The following STX1B variants were observed in gnomAD, a reference collection of about 807,000 sequenced individuals.
The protein encoded by STX1B is syntaxin-1B.
Under a neutral mutation model 39.4 loss-of-function variants are expected in STX1B, and 7 were observed. That is an observed-to-expected ratio of 0.18 (90% CI 0.10 to 0.33). STX1B has a LOEUF of 0.33. Among genes scored for constraint, STX1B ranks in the 10% least tolerant of loss-of-function variants. STX1B has a pLI of 1.00. For synonymous variants in STX1B, 136 were observed against 144.1 expected, an observed-to-expected ratio of 0.94 and a Z score of 0.40; for missense variants, 198 against 383.2, an observed-to-expected ratio of 0.52 and a Z score of 4.04.
At chr16:31,004,449 G>A (rs2143683573) in intron 1 of STX1B, among the ~76,000 whole-genome samples, 1 of 152,244 alleles carries the variant, frequency 6.6e-6, no homozygotes, top group East Asian at 1.9e-4. Flanking sequence ...TCTGGTGGGA[G>A]GATCACTTGA....
chr16:30,997,726 G>A, intron 4 of STX1B, 151 bp from the exon 5 acceptor site: 2 of 702,358 alleles, frequency 2.8e-6, no homozygotes, highest in Non-Finnish European at 4.8e-6. Flanking sequence ...GTGCCCCAGG[G>A]TGGTGTTAGG....
intron 7 of STX1B, 178 bp downstream of exon 7, chr16:30,996,505 A>T: frequency 1.6e-6 from 1 of 613,112 alleles, no homozygotes; most frequent in Non-Finnish European, 2.9e-6. Flanking sequence ...CACACGAACG[A>T]CTCCGTCATC....
In STX1B at chr16:31,010,353, AC is replaced by A; in HGVS notation, c.30+13del. 2 of 372,618 alleles carry A rather than the reference AC, an allele frequency of 5.4e-6. No homozygotes were observed. The highest frequency in any genetic ancestry group is 8.6e-6 in the Non-Finnish European group (2 of 233,064). The allele number at this position is 372,618 out of a possible 1,614,324, so 23.1% of individuals were successfully genotyped here. On this transcript the variant is annotated intron_variant, in intron 1 of 9. Coordinates refer to ENST00000215095, the MANE Select transcript of STX1B (RefSeq NM_052874.5). ...GGGGTCCCGCCCCCCCATTCTCCCC[AC>A]CCCCAAGCTCACACTCCGCAGCTCT...
intron 1 of STX1B, among the ~76,000 whole-genome samples, chr16:31,003,034 A>G (rs1163146524): frequency 6.6e-6 from 1 of 152,114 alleles, no homozygotes. Context: ...ACAGGGCCAG[A>G]TGGGACCTAG....
Position 31,001,650 on chromosome 16 carries a change from C to T in STX1B, c.31-47G>A. ...TCCATGAGCAGGCCCTACCTGGGTC[C>T]CCAAGGCTGGCTCTCCAGCTCTCCC... On this transcript the variant is annotated intron_variant, in intron 1 of 9. Transcript: ENST00000215095. The surrounding 1 kb of genome is among the most constrained non-coding windows in gnomAD (Gnocchi z 5.5). The T allele has an allele frequency of 6.5e-7, 1 of 1,529,830 alleles. No homozygotes were observed. Among genetic ancestry groups the T allele is most frequent in the Non-Finnish European group, 9.0e-7 (1 of 1,113,602 alleles). 94.8% of individuals were successfully genotyped at this position (1,529,830 alleles called of 1,614,324 possible). A position where few individuals can be genotyped will look rare whatever the true frequency, so the allele number is the denominator to read the frequency against.
rs763031966 is a variant in STX1B, at chr16:31,001,580, C to A, written c.54G>T (p.Glu18Asp). ...GGTCCCGATCCACGTGGACCACCTC[C>A]TCTTCATCATCACTGTCTTTCGCCT... is the stretch of plus-strand genomic sequence containing the variant. ...LRSAKDSDDE[E>D]EVVHVDRDHF... The change falls in exon 2 of 10, where the codon GAG becomes GAT. Residue 18 changes from glutamate to aspartate, a missense_variant. Glu to Asp is a conservative substitution (Grantham distance 45, BLOSUM62 2). Transcript: ENST00000215095. This position sits in a 1 kb window ranked among gnomAD's most constrained non-coding sequence, Gnocchi z 5.5. 6 of 1,613,426 alleles carry A rather than the reference C, an allele frequency of 3.7e-6. No individual in the cohort carries two copies. Among genetic ancestry groups the A allele is most frequent in the Middle Eastern group, 3.3e-4 (2 of 6,012 alleles).
At chr16:30,994,067 C>A (rs989419985) in intron 7 of STX1B, among the ~76,000 whole-genome samples, 2 of 150,864 alleles carry the variant, frequency 1.3e-5, no homozygotes, top group African/African-American at 2.4e-5. Context: ...CTGAAGCGGG[C>A]AGATCACGAG....
chr16:30,998,444 T>C (rs921341414), intron 4 of STX1B, among the ~76,000 whole-genome samples: 1 of 152,206 alleles, frequency 6.6e-6, no homozygotes, highest in Non-Finnish European at 1.5e-5. Flanking sequence ...CAGCAACACA[T>C]GGCCCAGGGA....
rs2056676728 is a variant in STX1B at position 31,010,594 on chromosome 16, T to A, written c.-198A>T. ...GGCAGGGGCCTGGGCCGGGCTCGGC[T>A]CTGCCGGGCTGCGGTGGCGATGCGG... On this transcript the variant is annotated 5_prime_UTR_variant, in exon 1 of 10. Transcript: ENST00000215095. 1 of 158,026 alleles carries A rather than the reference T, an allele frequency of 6.3e-6. No homozygotes were observed. Among genetic ancestry groups the A allele is most frequent in the African/African-American group, 2.5e-5 (1 of 40,062 alleles). The allele number at this position is 158,026 out of a possible 1,614,324, so 9.8% of individuals were successfully genotyped here. A position where few individuals can be genotyped will look rare whatever the true frequency, so the allele number is the denominator to read the frequency against.
At chr16:31,010,300 CT>C in intron 1 of STX1B, 66 bp downstream of exon 1, 1 of 1,008,722 alleles carries the variant, frequency 9.9e-7, no homozygotes, top group Non-Finnish European at 1.4e-6. Flanking sequence ...ACCTCCCCCA[CT>C]CCATCCCCAC....
At chr16:31,005,034 G>C (rs1051341775) in intron 1 of STX1B, among the ~76,000 whole-genome samples, 1 of 152,184 alleles carries the variant, frequency 6.6e-6, no homozygotes, top group Admixed American at 6.5e-5. Flanking sequence ...GAGGGGCCCA[G>C]GGCTGCAGGA....
At position 31,001,370 on chromosome 16, in the gene STX1B, G is replaced by T. The variant is rs546828801; in HGVS notation, c.105+159C>A. Among the ~76,000 whole-genome samples, 1 of 152,046 alleles carries T rather than the reference G, an allele frequency of 6.6e-6. No individual in the cohort carries two copies. The highest frequency in any genetic ancestry group is 6.5e-5 in the Admixed American group (1 of 15,272). ...AAAAGGAAGTTGTCGGTGGCTAGGG[G>T]CTGGGTGCCGGGGCTGCGGCTGGGC... On this transcript the variant is annotated intron_variant, in intron 2 of 9. Coordinates refer to ENST00000215095, the MANE Select transcript of STX1B (RefSeq NM_052874.5). The surrounding 1 kb of genome is among the most constrained non-coding windows in gnomAD (Gnocchi z 5.5).
rs1482908756 is a variant in STX1B, at chr16:31,000,948, T to A, written c.260A>T (p.Lys87Met). 1.2e-6 allele frequency: 2 copies of A among 1,614,150 alleles called. No homozygotes were observed. The highest frequency in any genetic ancestry group is 1.7e-6 in the Non-Finnish European group (2 of 1,180,028). ...CTCACCTTTCAATTTGGACCGAACC[T>A]TGTTGGCCGTCTTCTTGATGTCTGC... The part of the protein sequence containing the change: ...LTADIKKTAN[K>M]VRSKLKAIEQ... The change falls in exon 4 of 10, where the codon AAG (lysine) becomes ATG (methionine). Residue 87 changes from lysine (K) to methionine (M), a missense_variant. Coordinates refer to ENST00000215095, the MANE Select transcript of STX1B (RefSeq NM_052874.5).
At chr16:30,996,929 C>T (rs768026183) in intron 6 of STX1B, 22 bp downstream of exon 6, 6 of 1,602,576 alleles carry the variant, frequency 3.7e-6, no homozygotes, top group Non-Finnish European at 3.4e-6. Flanking sequence ...GTTCGGGGTC[C>T]TGGGGTGGGG....
At position 31,008,596 on chromosome 16, in the gene STX1B, T is replaced by A. The variant is rs528667083; in HGVS notation, c.30+1771A>T. Reference sequence around the variant, plus strand: ...AGCTGTGTGACCTTTGGAAAGTTATTCAACCACTCTGGGCCTCAGTTTCCC... The same window carrying A: ...AGCTGTGTGACCTTTGGAAAGTTATACAACCACTCTGGGCCTCAGTTTCCC... On this transcript the variant is annotated intron_variant, in intron 1 of 9. Coordinates refer to ENST00000215095, the MANE Select transcript of STX1B (RefSeq NM_052874.5). Among the ~76,000 whole-genome samples the A allele has an allele frequency of 2.4e-4, 36 of 152,276 alleles. 1 individual carries two copies. The South Asian group carries it at 2.5e-3, about 11-fold the overall frequency.
Position 30,992,840 on chromosome 16 carries a change from C to G in STX1B, c.848G>C (p.Gly283Ala), listed in dbSNP as rs773649592. ...VLGVVLASSI[G>A]GTLGL The stretch of plus-strand genomic sequence containing the variant: ...GGGGGCCTACAAGCCCAGCGTCCCC[C>G]CAATGGATGACGCCAAGACCACCCC... Residue 283 changes from glycine to alanine, a missense_variant, in exon 10 of 10, where the codon GGG becomes GCG. Gly to Ala is a moderately conservative substitution (Grantham distance 60). Coordinates refer to ENST00000215095, the MANE Select transcript of STX1B (RefSeq NM_052874.5). 4.3e-6 allele frequency: 7 copies of G among 1,613,498 alleles called. No individual in the cohort carries two copies. Among genetic ancestry groups the G allele is most frequent in the South Asian group, 1.1e-5 (1 of 91,054 alleles).
chr16:30,996,073 G>C (rs2056590153), intron 7 of STX1B: 1 of 151,908 alleles, frequency 6.6e-6, no homozygotes, highest in Non-Finnish European at 1.5e-5. Flanking sequence ...TACTCGGGAG[G>C]CTGGGGCAGG....
chr16:31,005,762 C>A (rs183120472), intron 1 of STX1B, among the ~76,000 whole-genome samples: 6 of 152,168 alleles, frequency 3.9e-5, no homozygotes, highest in African/African-American at 1.4e-4. Context: ...TGCTCTACAG[C>A]GCACAGCTCC....
intron 1 of STX1B, among the ~76,000 whole-genome samples, chr16:31,006,408 G>A (rs919806131): frequency 5.9e-5 from 9 of 152,102 alleles, no homozygotes; most frequent in Admixed American, 5.2e-4. Flanking sequence ...TTCATCTAAC[G>A]GATGTGTCTG....
Sources: gnomAD v4.1 joint callset for allele counts (sites outside exome capture counted in the v4.1 genomes callset) on GRCh38, gnomAD v4.1.1 for gene constraint, Gnocchi (gnomAD v3.1) non-coding constraint, MANE v1.5 for transcripts, NCBI Gene and HGNC (gene_info 2026-07-23, HGNC 2026-07-21) for gene names.